Variants in SPART observed in about 807,000 individuals in gnomAD.
SPART encodes spastic paraplegia 20 (Troyer syndrome).
A neutral mutation model predicts 58.7 loss-of-function variants in SPART; 35 were observed. The observed-to-expected ratio is 0.60, with a 90% confidence interval of 0.46 to 0.79. The LOEUF is 0.79. Ranked by LOEUF, SPART falls within the 30% of genes least tolerant of loss-of-function variation. SPART has a pLI of 0.00. For synonymous variants in SPART, 284 were observed against 280.7 expected (o/e 1.01, Z -0.12); for missense variants, 730 against 786.1 (o/e 0.93, Z 0.85).
At chr13:36,339,406 G>A (rs1196861632) in intron 1 of SPART, among the ~76,000 whole-genome samples, 1 of 151,538 alleles carries the variant, frequency 6.6e-6, no homozygotes, top group East Asian at 1.9e-4. Context: ...AGGCTGAGGC[G>A]GGCAGATCAC....
chr13:36,304,585 G>A lies in SPART; in HGVS notation c.1781C>T (p.Ala594Val), dbSNP rs1880310424. 20 of 1,613,920 alleles carry A rather than the reference G, an allele frequency of 1.2e-5. No homozygotes were observed. The highest frequency in any genetic ancestry group is 2.2e-5 in the South Asian group (2 of 91,080). ...GEATHHAVDS[A>V]VNVGVTAYNI... ...GTAGGCAGTTACGCCAACATTGACC[G>A]CAGAATCCACCGCATGGTGGGTAGC... Residue 594 changes from alanine to valine, a missense_variant, in exon 9 of 9, where the codon GCG (alanine) becomes GTG (valine). By Grantham distance (64) the Ala-to-Val change is moderately conservative. Coordinates refer to ENST00000438666, the MANE Select transcript of SPART (RefSeq NM_015087.5).
At chr13:36,337,696 G>A (rs1042174442) in intron 1 of SPART, among the ~76,000 whole-genome samples, 17 of 152,080 alleles carry the variant, frequency 1.1e-4, no homozygotes, top group Admixed American at 5.2e-4. Flanking sequence ...GTGTGAAAAC[G>A]GACTAATACA....
intron 2 of SPART, among the ~76,000 whole-genome samples, chr13:36,332,949 G>A (rs567880433): frequency 1.5e-4 from 23 of 151,336 alleles, no homozygotes; most frequent in South Asian, 1.5e-3. Flanking sequence ...TAATAGCAGT[G>A]GTATAGAGTT....
At chr13:36,332,033 C>T (rs545231192) in intron 2 of SPART, among the ~76,000 whole-genome samples, 1 of 152,228 alleles carries the variant, frequency 6.6e-6, no homozygotes, top group African/African-American at 2.4e-5. Flanking sequence ...ATCCTCCTAA[C>T]AATCCTATGA....
At chr13:36,317,719 T>C (rs912340154) in intron 5 of SPART, among the ~76,000 whole-genome samples, 3 of 151,770 alleles carry the variant, frequency 2.0e-5, no homozygotes, top group African/African-American at 7.3e-5. Flanking sequence ...CCACCCTCCA[T>C]TCCTCCTTCT....
chr13:36,365,407 A>G (rs1886016762), intron 1 of SPART: 1 of 337,822 alleles, frequency 3.0e-6, no homozygotes, highest in African/African-American at 2.2e-5. Context: ...GGGATATGTT[A>G]CTATGTTATT....
At position 36,315,262 on chromosome 13, in the gene SPART, G is replaced by A. The variant is rs565601492; in HGVS notation, c.1289-841C>T. Among the ~76,000 whole-genome samples, 3 of 152,300 alleles carry A rather than the reference G, an allele frequency of 2.0e-5. No individual in the cohort carries two copies. The South Asian group carries it at 6.2e-4, about 32-fold the overall frequency. On this transcript the variant is annotated intron_variant, in intron 5 of 8. Coordinates refer to ENST00000438666, the MANE Select transcript of SPART (RefSeq NM_015087.5). ...AGTGGAAATGTGGGGAAAGGAGTGG[G>A]AGAGGGATGGGAAAAGAAAAAACAT...
At chr13:36,319,439 T>A (rs1882123932) in intron 5 of SPART, among the ~76,000 whole-genome samples, 1 of 150,926 alleles carries the variant, frequency 6.6e-6, no homozygotes, top group African/African-American at 2.5e-5. Flanking sequence ...CAATATCCCA[T>A]CCCGCAGCAT....
intron 1 of SPART, among the ~76,000 whole-genome samples, chr13:36,357,836 C>CA (rs542185279): frequency 5.3e-5 from 8 of 152,258 alleles, no homozygotes; most frequent in Admixed American, 5.2e-4. Context: ...GAATTGCTGG[C>CA]AAAATCCACT....
At chr13:36,333,429 A>ATTTT (rs34312130) in intron 2 of SPART, among the ~76,000 whole-genome samples, 3 of 132,344 alleles carry the variant, frequency 2.3e-5, no homozygotes, top group East Asian at 2.2e-4. Flanking sequence ...TTATTATTGT[A>ATTTT]TTTTTTTTTT....
chr13:36,352,348 G>T (rs1235890430), intron 1 of SPART, among the ~76,000 whole-genome samples: 1 of 152,134 alleles, frequency 6.6e-6, no homozygotes, highest in African/African-American at 2.4e-5. Flanking sequence ...CTTGGTACTA[G>T]CTAAATTGTA....
chr13:36,365,195 A>G (rs1886009285), intron 1 of SPART, among the ~76,000 whole-genome samples: 1 of 152,188 alleles, frequency 6.6e-6, no homozygotes, highest in African/African-American at 2.4e-5. Context: ...AAAGTAGAAA[A>G]TGCATTATTG....
At position 36,329,449 on chromosome 13, in the gene SPART, G is replaced by A; in HGVS notation, c.1077C>T (p.Asp359=). The A allele has an allele frequency of 6.2e-7, 1 of 1,614,104 alleles. No homozygotes were observed. The highest frequency in any genetic ancestry group is 1.3e-5 in the African/African-American group (1 of 75,042). The part of the protein sequence containing the change: ...QIPGRTRPSS[D]QLKEASGTDV... ...CAGTGCCAGAGGCTTCTTTTAGTTG[G>A]TCAGAGGAGGGTCTAGTTCTTCCAG... The change falls in exon 4 of 9, where the codon GAC becomes GAT. Residue 359 remains aspartate (D), a synonymous_variant. Coordinates refer to ENST00000438666, the MANE Select transcript of SPART (RefSeq NM_015087.5).
intron 1 of SPART, among the ~76,000 whole-genome samples, chr13:36,366,176 C>G (rs1267844282): frequency 6.6e-6 from 1 of 152,180 alleles, no homozygotes; most frequent in Non-Finnish European, 1.5e-5. Flanking sequence ...GGTCTGACTT[C>G]CCTACTCAGC....
intron 1 of SPART, chr13:36,365,754 C>T (rs1239293994): frequency 2.9e-6 from 1 of 340,634 alleles, no homozygotes; most frequent in Admixed American, 4.2e-5. Flanking sequence ...ACAACGTCTG[C>T]AATGGAACAG....
intron 1 of SPART, among the ~76,000 whole-genome samples, chr13:36,363,365 C>G (rs1470835203): frequency 6.6e-6 from 1 of 152,064 alleles, no homozygotes; most frequent in Non-Finnish European, 1.5e-5. Flanking sequence ...CTCTCTCTCT[C>G]TCTCTCTGTC....
intron 2 of SPART, 85 bp from the exon 3 acceptor site, chr13:36,331,681 A>G (rs1883480652): frequency 9.6e-7 from 1 of 1,037,936 alleles, no homozygotes; most frequent in African/African-American, 1.6e-5. Context: ...AAATTGTTAT[A>G]CTAGAAAATA....
Position 36,334,872 on chromosome 13 carries a change from A to C in SPART, c.810+149T>G, listed in dbSNP as rs1883806366. On this transcript the variant is annotated intron_variant, in intron 2 of 8. Coordinates refer to ENST00000438666, the MANE Select transcript of SPART (RefSeq NM_015087.5). ...AAAAAGACAAACACAAACATGTTCA[A>C]GGCTCATAATTTCATGGAATATATT... 3 of 639,820 alleles carry C rather than the reference A, an allele frequency of 4.7e-6. No individual in the cohort carries two copies. The South Asian group carries it at 6.1e-5, about 13-fold the overall frequency. The allele number at this position is 639,820 out of a possible 1,614,324, so 39.6% of individuals were successfully genotyped here.
chr13:36,365,300 A>AT (rs1886013703), intron 1 of SPART, among the ~76,000 whole-genome samples: 1 of 152,194 alleles, frequency 6.6e-6, no homozygotes. Flanking sequence ...CTGTGGCCCC[A>AT]TTTTTTGGGA....
Sources: allele counts gnomAD v4.1 joint callset (sites outside exome capture counted in the v4.1 genomes callset), GRCh38; gene constraint gnomAD v4.1.1; transcripts MANE v1.5; gene names NCBI Gene and HGNC (gene_info 2026-07-23, HGNC 2026-07-21).